Variants in CHD9 observed in about 807,000 individuals in gnomAD.
CHD9 encodes chromodomain helicase DNA binding protein 9.
A neutral mutation model predicts 316.1 loss-of-function variants in CHD9; 77 were observed. That is an observed-to-expected ratio of 0.24 (90% confidence interval 0.20 to 0.29). CHD9 has a LOEUF of 0.29. Ranked by LOEUF, CHD9 falls within the 10% of genes least tolerant of loss-of-function variation. The pLI is 1.00. For synonymous variants in CHD9, 1,129 were observed against 1,158.3 expected, an observed-to-expected ratio of 0.97 and a Z score of 0.51; for missense variants, 2,763 against 3,438.1, an observed-to-expected ratio of 0.80 and a Z score of 4.91.
intron 11 of CHD9, 69 bp downstream of exon 11, chr16:53,235,375 G>C: frequency 1.8e-6 from 2 of 1,108,610 alleles, no homozygotes. Flanking sequence ...AAGTAAAATA[G>C]ATACTGTTGT....
chr16:53,109,673 G>A (rs567788626), intron 1 of CHD9, among the ~76,000 whole-genome samples: 60 of 82,994 alleles, frequency 7.2e-4, no homozygotes, highest in African/African-American at 2.8e-3. Flanking sequence ...TGGATTCCCA[G>A]TTTCTTTTTT....
intron 34 of CHD9, 59 bp from the exon 35 acceptor site, chr16:53,314,318 C>T: frequency 8.1e-7 from 1 of 1,239,522 alleles, no homozygotes; most frequent in South Asian, 1.6e-5. Flanking sequence ...AAAGGGATTA[C>T]TTTCAGTTTG....
At position 53,157,199 on chromosome 16, in the gene CHD9, A is replaced by C. The variant is rs767625698; in HGVS notation, c.1110A>C (p.Gln370His). The C allele has an allele frequency of 6.2e-7, 1 of 1,606,610 alleles. No individual in the cohort carries two copies. The stretch of plus-strand genomic sequence containing the variant: ...CAGATCCTGTTGACTCAGGAACTCA[A>C]ATGGGCCATTTCAATGATCATGTAG... Reference protein sequence around the residue: ...NFPDPVDSGTQMGHFNDHVET... With the variant: ...NFPDPVDSGTHMGHFNDHVET... The change falls in exon 2 of 39, where the codon CAA (glutamine) becomes CAC (histidine). Residue 370 changes from glutamine to histidine, a missense_variant. This residue lies in a region of CHD9 where 859 missense variants were observed against 890.4 expected (regional missense o/e 0.96). Transcript: ENST00000447540.
intron 33 of CHD9, among the ~76,000 whole-genome samples, chr16:53,308,364 C>G (rs1318778375): frequency 6.6e-6 from 1 of 152,004 alleles, no homozygotes; most frequent in Non-Finnish European, 1.5e-5. Context: ...AGTTAATGTC[C>G]TCCAAAATGT....
chr16:53,206,194 C>A (rs138774665), intron 2 of CHD9, among the ~76,000 whole-genome samples: 109 of 152,146 alleles, frequency 7.2e-4, no homozygotes, highest in African/African-American at 2.3e-3. Flanking sequence ...CTCAGGTGAT[C>A]CGCCCACCTC....
intron 5 of CHD9, 199 bp from the exon 6 acceptor site, chr16:53,227,197 G>A: frequency 2.4e-6 from 1 of 423,032 alleles, no homozygotes; most frequent in South Asian, 2.9e-5. Flanking sequence ...GTTTGCTACA[G>A]AGATAATGCA....
intron 1 of CHD9, among the ~76,000 whole-genome samples, chr16:53,137,987 T>C (rs2039843465): frequency 6.6e-6 from 1 of 152,066 alleles, no homozygotes; most frequent in African/African-American, 2.4e-5. Context: ...TGATAGCTAT[T>C]AGGTGGAATG....
intron 2 of CHD9, among the ~76,000 whole-genome samples, chr16:53,207,226 C>T (rs2045959457): frequency 6.6e-6 from 1 of 152,142 alleles, no homozygotes; most frequent in African/African-American, 2.4e-5. Context: ...GATTTAAGGG[C>T]ATTGCTTACT....
At chr16:53,305,702 G>A (rs1194991494) in intron 31 of CHD9, among the ~76,000 whole-genome samples, 1 of 152,132 alleles carries the variant, frequency 6.6e-6, no homozygotes, top group Non-Finnish European at 1.5e-5. Context: ...AGGAACCCTT[G>A]CAGCAGTCCA....
chr16:53,262,844 G>A (rs1354821797), intron 19 of CHD9, 143 bp from the exon 20 acceptor site: 2 of 649,238 alleles, frequency 3.1e-6, no homozygotes, highest in East Asian at 5.8e-5. Flanking sequence ...ATGCAGTGCT[G>A]TGTTTCAGAC....
intron 2 of CHD9, among the ~76,000 whole-genome samples, chr16:53,159,977 A>G (rs1299707580): frequency 6.6e-6 from 1 of 152,202 alleles, no homozygotes; most frequent in Non-Finnish European, 1.5e-5. Context: ...AGGGAGATGT[A>G]GAAACATTTA....
In CHD9 at chr16:53,324,902, G is replaced by C. The variant is rs1452780165; in HGVS notation, c.*7G>C. ...TTCTAGTAATGAAGACTGATTCCCAGACTCTGCACTTAAAATATGAACTGA... is the reference window on the plus strand; with the variant it reads ...TTCTAGTAATGAAGACTGATTCCCACACTCTGCACTTAAAATATGAACTGA... On this transcript the variant is annotated 3_prime_UTR_variant, in exon 39 of 39. Coordinates refer to ENST00000447540, the MANE Select transcript of CHD9 (RefSeq NM_001308319.2). 9.0e-6 allele frequency: 14 copies of C among 1,556,380 alleles called. No homozygotes were observed. Among genetic ancestry groups the C allele is most frequent in the Non-Finnish European group, 9.5e-6 (11 of 1,156,012 alleles).
chr16:53,306,226 G>A lies in CHD9; in HGVS notation c.6620-11G>A. 1 of 1,456,172 alleles carries A rather than the reference G, an allele frequency of 6.9e-7. No individual in the cohort carries two copies. Among genetic ancestry groups the A allele is most frequent in the Non-Finnish European group, 9.1e-7 (1 of 1,100,326 alleles). 90.2% of individuals were successfully genotyped at this position (1,456,172 alleles called of 1,614,324 possible). A position where few individuals can be genotyped will look rare whatever the true frequency, so the allele number is the denominator to read the frequency against. ...GTCTTTTTAAAAAATGATTATAATT[G>A]TTTTTAGCAGAAAGTACTACTCACA... On this transcript the variant is annotated splice_polypyrimidine_tract_variant and intron_variant, in intron 31 of 38. Transcript: ENST00000447540.
chr16:53,092,114 C>T (rs933711529), intron 1 of CHD9, among the ~76,000 whole-genome samples: 1 of 152,086 alleles, frequency 6.6e-6, no homozygotes, highest in Non-Finnish European at 1.5e-5. Flanking sequence ...GCAAATACTT[C>T]CCCCCCAGCT....
At chr16:53,319,828 A>C (rs1481885830) in intron 37 of CHD9, 13 of 1,265,880 alleles carry the variant, frequency 1.0e-5, no homozygotes, top group Non-Finnish European at 1.3e-5. Context: ...AGGATTGATG[A>C]GTTATTAAGG....
chr16:53,244,074 AG>A (rs1375728925), intron 13 of CHD9, among the ~76,000 whole-genome samples: 1 of 152,152 alleles, frequency 6.6e-6, no homozygotes, highest in African/African-American at 2.4e-5. Flanking sequence ...GGGAATTTAA[AG>A]GTTTTGTCAA....
intron 16 of CHD9, 120 bp from the exon 17 acceptor site, chr16:53,249,751 A>G (rs1266972286): frequency 2.5e-6 from 2 of 786,676 alleles, no homozygotes; most frequent in Non-Finnish European, 4.1e-6. Flanking sequence ...TTGAGATGAT[A>G]TTGCTTCTTA....
At position 53,324,895 on chromosome 16, in the gene CHD9, A is replaced by G; in HGVS notation, c.8694A>G (p.Ter2898TrpextTer9). The change falls in exon 39 of 39, where the codon TGA (stop) becomes TGG (tryptophan). Residue 2898 changes from the stop codon to tryptophan (W), a stop_lost. Coordinates refer to ENST00000447540, the MANE Select transcript of CHD9 (RefSeq NM_001308319.2). Reference sequence around the variant, plus strand: ...ATTCAGATTCTAGTAATGAAGACTGATTCCCAGACTCTGCACTTAAAATAT... The same window carrying G: ...ATTCAGATTCTAGTAATGAAGACTGGTTCCCAGACTCTGCACTTAAAATAT... ...SEDSDSSNED[*>W] 1.3e-6 allele frequency: 2 copies of G among 1,568,276 alleles called. No individual in the cohort carries two copies. The highest frequency in any genetic ancestry group is 2.0e-5 in the Admixed American group (1 of 48,934).
At chr16:53,159,111 C>T (rs1597210935) in intron 2 of CHD9, among the ~76,000 whole-genome samples, 1 of 152,056 alleles carries the variant, frequency 6.6e-6, no homozygotes, top group East Asian at 1.9e-4. Flanking sequence ...TCTGTCTCTA[C>T]AATAAATACA....
Sources: allele counts gnomAD v4.1 joint callset (sites outside exome capture counted in the v4.1 genomes callset), GRCh38; gene constraint gnomAD v4.1.1; regional missense constraint gnomAD v4.1.1; transcripts MANE v1.5; gene names NCBI Gene and HGNC (gene_info 2026-07-23, HGNC 2026-07-21).